LTAP1: variants seen among roughly 807,000 people sequenced by gnomAD.
LTAP1 encodes the protein HCV NS5A-transactivated protein 4.
At chr1:154,211,861 CTTTTTTT>C in the LTAP1 span, 32 of 149,986 alleles carry the variant, frequency 2.1e-4, no homozygotes, top group Non-Finnish European at 8.7e-5. Flanking sequence ...TTCTTTTCTT[CTTTTTTT>C]TTTTTGAGAC....
the LTAP1 span, among the ~76,000 whole-genome samples, chr1:154,210,974 T>C: frequency 6.6e-6 from 1 of 152,146 alleles, no homozygotes; most frequent in African/African-American, 2.4e-5. Flanking sequence ...ACTAATACTT[T>C]AAGTGGTAGT....
At chr1:154,207,599 T>C in the LTAP1 span, 1 of 1,613,556 alleles carries the variant, frequency 6.2e-7, no homozygotes, top group Non-Finnish European at 8.5e-7. Context: ...GTTAGGTCTT[T>C]GGCTGCTGAC....
At chr1:154,214,047 G>A in the LTAP1 span, 39 of 1,069,016 alleles carry the variant, frequency 3.6e-5, no homozygotes, top group African/African-American at 1.1e-4. Flanking sequence ...GGAGGCTGAG[G>A]TGGGTGGATC....
chr1:154,209,735 C>T, the LTAP1 span, among the ~76,000 whole-genome samples: 15 of 151,706 alleles, frequency 9.9e-5, no homozygotes, highest in Non-Finnish European at 1.3e-4. Flanking sequence ...TACAGGCACC[C>T]GCCACCACGC....
the LTAP1 span, chr1:154,214,343 T>A: frequency 1.4e-6 from 1 of 726,116 alleles, no homozygotes; most frequent in Middle Eastern, 2.4e-4. Flanking sequence ...CTAACATATA[T>A]CCAATAACAG....
the LTAP1 span, chr1:154,212,450 T>C: frequency 2.5e-6 from 4 of 1,614,112 alleles, no homozygotes; most frequent in African/African-American, 2.7e-5. Context: ...AAGAAAAAAC[T>C]GGCTTACCCC....
chr1:154,220,309 G>A, the LTAP1 span: 5 of 1,612,714 alleles, frequency 3.1e-6, no homozygotes, highest in Admixed American at 1.7e-5. Flanking sequence ...GGTAAGATGC[G>A]ACAGCAGGAA....
the LTAP1 span, among the ~76,000 whole-genome samples, chr1:154,217,943 T>G: frequency 6.6e-6 from 1 of 152,162 alleles, no homozygotes; most frequent in Non-Finnish European, 1.5e-5. Flanking sequence ...CCACTACCTA[T>G]TTTTTAGAAA....
the LTAP1 span, chr1:154,219,949 GAT>G: frequency 6.4e-7 from 1 of 1,572,774 alleles, no homozygotes; most frequent in Non-Finnish European, 8.6e-7. Context: ...TGTCCAAAAA[GAT>G]GTAAAAATCC....
the LTAP1 span, chr1:154,220,384 G>C: frequency 3.7e-6 from 6 of 1,614,228 alleles, no homozygotes; most frequent in Non-Finnish European, 5.1e-6. Context: ...TCACCCCGGA[G>C]AGCCAGTTAC....
the LTAP1 span, among the ~76,000 whole-genome samples, chr1:154,218,461 G>A: frequency 6.6e-6 from 1 of 152,180 alleles, no homozygotes; most frequent in African/African-American, 2.4e-5. Flanking sequence ...TCATGAGGCA[G>A]GCAGGACTGT....
the LTAP1 span, chr1:154,214,488 T>G: frequency 6.2e-7 from 1 of 1,613,912 alleles, no homozygotes; most frequent in Non-Finnish European, 8.5e-7. Flanking sequence ...GTTGTAGTAG[T>G]CTAGCATCAT....
chr1:154,220,578 G>A, the LTAP1 span: 1 of 658,948 alleles, frequency 1.5e-6, no homozygotes, highest in Non-Finnish European at 2.7e-6. Context: ...AGGCAGGAGA[G>A]CTGGGAAAGG....
chr1:154,212,414 G>A, the LTAP1 span: 1 of 1,614,048 alleles, frequency 6.2e-7, no homozygotes, highest in Admixed American at 1.7e-5. Context: ...GGATCTCTCA[G>A]TCTGAGGGAT....
the LTAP1 span, among the ~76,000 whole-genome samples, chr1:154,215,838 TTC>T: frequency 6.8e-6 from 1 of 147,420 alleles, no homozygotes; most frequent in African/African-American, 2.7e-5. Flanking sequence ...ACCACTAACT[TTC>T]TTTTTTTTTT....
At chr1:154,218,607 T>C in the LTAP1 span, among the ~76,000 whole-genome samples, 1 of 152,210 alleles carries the variant, frequency 6.6e-6, no homozygotes, top group Non-Finnish European at 1.5e-5. Flanking sequence ...GAGCTCTAGC[T>C]CTACAACTAA....
the LTAP1 span, among the ~76,000 whole-genome samples, chr1:154,211,031 A>T: frequency 6.6e-6 from 1 of 151,378 alleles, no homozygotes; most frequent in African/African-American, 2.4e-5. Context: ...TTTTTGAGAC[A>T]GTCATGCTCT....
At chr1:154,219,171 G>A in the LTAP1 span, among the ~76,000 whole-genome samples, 6 of 152,272 alleles carry the variant, frequency 3.9e-5, no homozygotes, top group African/African-American at 1.4e-4. Context: ...CACAAATGTT[G>A]GGTTTGAGAT....
chr1:154,217,363 A>T, the LTAP1 span, among the ~76,000 whole-genome samples: 1 of 152,206 alleles, frequency 6.6e-6, no homozygotes, highest in Non-Finnish European at 1.5e-5. Flanking sequence ...CCACCACGTC[A>T]ATCAAAGTAA....
Sources: gnomAD v4.1 joint callset for allele counts (sites outside exome capture counted in the v4.1 genomes callset) on GRCh38, gnomAD v4.1.1 for gene constraint, MANE v1.5 for transcripts, NCBI Gene and HGNC (gene_info 2026-07-23, HGNC 2026-07-21) for gene names.